The following NHSL2 variants were observed in gnomAD, a reference collection of about 807,000 sequenced individuals.
NHSL2 encodes NHS like 2.
A neutral mutation model predicts 53.4 loss-of-function variants in NHSL2; 27 were observed. That is an observed-to-expected ratio of 0.51 (90% CI 0.37 to 0.70). The LOEUF is 0.70. Ranked by LOEUF, NHSL2 falls within the 30% of genes least tolerant of loss-of-function variation. The probability of loss-of-function intolerance (pLI) is 0.00; values close to 1 mark genes in which losing one functional copy is unlikely to be tolerated. For synonymous variants in NHSL2, 408 were observed against 404.1 expected (o/e 1.01, Z -0.12); for missense variants, 892 against 980.1 (o/e 0.91, Z 1.20).
rs188488717 is a variant in NHSL2 at position 72,053,376 on chromosome X, A to G, written c.281-78703A>G. On this transcript the variant is annotated intron_variant, in intron 1 of 7. Transcript: ENST00000633930. Reference sequence around the variant, plus strand: ...ACAGGACGCTCCATAACTCCTTATGACCTCTGGCACAGTTTCCTAGAACTG... The same window carrying G: ...ACAGGACGCTCCATAACTCCTTATGGCCTCTGGCACAGTTTCCTAGAACTG... Among the ~76,000 whole-genome samples the G allele has an allele frequency of 3.6e-5, 4 of 111,865 alleles. No homozygotes were observed. In the Admixed American group the frequency reaches 3.8e-4, roughly 11 times the overall value.
chrX:71,978,433 A>T (rs1027084220), intron 1 of NHSL2, among the ~76,000 whole-genome samples: 1 of 112,083 alleles, frequency 8.9e-6, no homozygotes, highest in African/African-American at 3.2e-5. Context: ...ACAGCTTCTG[A>T]GGTAATCCTC....
At chrX:71,989,210 G>A (rs1284303486) in intron 1 of NHSL2, among the ~76,000 whole-genome samples, 1 of 109,696 alleles carries the variant, frequency 9.1e-6, no homozygotes, top group Non-Finnish European at 1.9e-5. Context: ...TTAGCCGGGC[G>A]TGGTGGCACG....
chrX:72,030,648 C>T (rs2042210115), intron 1 of NHSL2, among the ~76,000 whole-genome samples: 1 of 111,923 alleles, frequency 8.9e-6, no homozygotes, highest in African/African-American at 3.3e-5. Flanking sequence ...TGATCAGTGG[C>T]ATGCTGGTAA....
rs759178550 is a variant in NHSL2, at chrX:72,037,168, C to G, written c.281-94911C>G. Among the ~76,000 whole-genome samples, 4 of 112,250 alleles carry G rather than the reference C, an allele frequency of 3.6e-5. No individual in the cohort carries two copies. In the South Asian group the frequency reaches 1.5e-3, roughly 41 times the overall value. On this transcript the variant is annotated intron_variant, in intron 1 of 7. Transcript: ENST00000633930. ...GGCACAGTGGCTCACGCCTGTAATC[C>G]CAGCACTTTGGGAGGCTGAGGCAGG...
chrX:72,121,694 A>G (rs1031446783), intron 1 of NHSL2, among the ~76,000 whole-genome samples: 5 of 111,946 alleles, frequency 4.5e-5, no homozygotes, highest in African/African-American at 1.3e-4. Flanking sequence ...TTTCTCTGAC[A>G]CCCTAGGGCA....
chrX:72,115,981 C>T (rs2042135897), intron 1 of NHSL2, among the ~76,000 whole-genome samples: 1 of 111,197 alleles, frequency 9.0e-6, no homozygotes, highest in Admixed American at 9.5e-5. Context: ...CGTGTTTTAT[C>T]AGGCTGTCCA....
chrX:72,111,762 AT>A (rs1208967251), intron 1 of NHSL2, among the ~76,000 whole-genome samples: 1 of 111,732 alleles, frequency 8.9e-6, no homozygotes, highest in African/African-American at 3.3e-5. Context: ...AGATTCACTC[AT>A]TTATTCATTC....
intron 1 of NHSL2, among the ~76,000 whole-genome samples, chrX:71,993,661 C>G (rs1014001094): frequency 3.6e-5 from 4 of 111,493 alleles, no homozygotes; most frequent in African/African-American, 1.3e-4. Flanking sequence ...CCGTCTTTAG[C>G]AGCAGGACTT....
intron 1 of NHSL2, among the ~76,000 whole-genome samples, chrX:71,982,475 G>GA (rs1356944472): frequency 8.9e-6 from 1 of 112,019 alleles, no homozygotes; most frequent in Non-Finnish European, 1.9e-5. Context: ...CCTATGAGTT[G>GA]ACTGATGGTT....
rs182061543 is a variant in NHSL2 at position 71,974,511 on chromosome X, T to G, written c.280+63144T>G. Among the ~76,000 whole-genome samples, 262 of 112,312 alleles carry G rather than the reference T, an allele frequency of 2.3e-3. 3 individuals carry two copies. The highest frequency in any genetic ancestry group is 1.2e-3 in the Non-Finnish European group (62 of 53,240). ...GGAGCAGCAGAAATAATCTCATCCC[T>G]GGGAACCCTTGTGGGTTAAGTAGGG... On this transcript the variant is annotated intron_variant, in intron 1 of 7. Transcript: ENST00000633930.
At chrX:72,086,649 AC>A (rs1226555351) in intron 1 of NHSL2, among the ~76,000 whole-genome samples, 2 of 93,435 alleles carry the variant, frequency 2.1e-5, no homozygotes, top group Non-Finnish European at 4.1e-5. Context: ...ATGCCACTGT[AC>A]TCCAGCCTGG....
intron 1 of NHSL2, among the ~76,000 whole-genome samples, chrX:71,918,067 C>T (rs749147280): frequency 3.8e-4 from 43 of 111,978 alleles, no homozygotes; most frequent in African/African-American, 1.1e-3. Flanking sequence ...CAGGCAACCT[C>T]GGCTCCTTCA....
At chrX:72,077,934 C>T (rs2041757894) in intron 1 of NHSL2, among the ~76,000 whole-genome samples, 1 of 112,892 alleles carries the variant, frequency 8.9e-6, no homozygotes, top group South Asian at 3.6e-4. Context: ...CACGGGCCAG[C>T]TCCAGCAGGG....
intron 1 of NHSL2, among the ~76,000 whole-genome samples, chrX:72,031,307 G>A (rs1304726306): frequency 9.0e-6 from 1 of 111,348 alleles, no homozygotes; most frequent in Non-Finnish European, 1.9e-5. Flanking sequence ...TTGGATCCTG[G>A]TTCCACCTCT....
intron 1 of NHSL2, among the ~76,000 whole-genome samples, chrX:71,987,351 C>T (rs2042007702): frequency 8.9e-6 from 1 of 112,651 alleles, no homozygotes; most frequent in Non-Finnish European, 1.9e-5. Flanking sequence ...GAGTCTAGAA[C>T]ATCAGACAGA....
chrX:72,090,666 CT>C (rs969028896), intron 1 of NHSL2, among the ~76,000 whole-genome samples: 3 of 110,989 alleles, frequency 2.7e-5, no homozygotes, highest in African/African-American at 6.6e-5. Flanking sequence ...CTGCCTACCC[CT>C]AACCCCCCAT....
Position 71,973,661 on chromosome X carries a change from G to A in NHSL2, c.280+62294G>A, listed in dbSNP as rs1457520259. ...GGGATAGGAGTCCCTGATCTTCTCA[G>A]CTTGCCTCTCCCAGTATGGAGCTTG... On this transcript the variant is annotated intron_variant, in intron 1 of 7. Transcript: ENST00000633930. Among the ~76,000 whole-genome samples the A allele has an allele frequency of 2.7e-5, 3 of 111,157 alleles. 1 individual carries two copies. The Admixed American group carries it at 2.9e-4, about 11-fold the overall frequency.
At chrX:72,103,968 G>A (rs773578095) in intron 1 of NHSL2, among the ~76,000 whole-genome samples, 13 of 112,916 alleles carry the variant, frequency 1.2e-4, no homozygotes, top group Non-Finnish European at 2.4e-4. Flanking sequence ...TCCAATTTGA[G>A]CTACAATGTG....
intron 1 of NHSL2, among the ~76,000 whole-genome samples, chrX:72,045,704 G>A (rs1311533343): frequency 1.8e-5 from 2 of 112,315 alleles, no homozygotes; most frequent in African/African-American, 6.5e-5. Context: ...CCCTGCTTAC[G>A]GAGACAGGCC....
Sources: allele counts gnomAD v4.1 joint callset (sites outside exome capture counted in the v4.1 genomes callset), GRCh38; gene constraint gnomAD v4.1.1; transcripts MANE v1.5; gene names NCBI Gene and HGNC (gene_info 2026-07-23, HGNC 2026-07-21).